RSU1: variants seen among roughly 807,000 people sequenced by gnomAD.
RSU1 encodes Ras suppressor protein 1.
In RSU1, 26 loss-of-function variants were observed where a neutral mutation model predicts 31.1. The ratio of observed to expected loss-of-function variants is 0.84; its 90% CI spans 0.61 to 1.16. The LOEUF (loss-of-function observed/expected upper bound fraction) is 1.16, where lower values mean the gene tolerates loss of function less well. Among genes scored for constraint, RSU1 ranks in the 50% most tolerant of loss-of-function variants. The pLI is 0.00. For missense variants in RSU1, 320 were observed against 339.1 expected (o/e 0.94, Z 0.44); for synonymous variants, 164 against 136.3 (o/e 1.20, Z -1.41).
intron 8 of RSU1, among the ~76,000 whole-genome samples, chr10:16,617,940 A>G (rs965104602): frequency 1.4e-4 from 22 of 152,242 alleles, no homozygotes; most frequent in Non-Finnish European, 4.4e-5. Context: ...CTTCATGACT[A>G]AAACACCAAA....
intron 8 of RSU1, among the ~76,000 whole-genome samples, chr10:16,675,554 C>G (rs894406432): frequency 6.6e-6 from 1 of 152,130 alleles, no homozygotes; most frequent in Non-Finnish European, 1.5e-5. Context: ...CACTAGAGAC[C>G]AGCGTCAGGA....
chr10:16,636,731 G>A (rs896027384), intron 8 of RSU1, among the ~76,000 whole-genome samples: 9 of 152,138 alleles, frequency 5.9e-5, no homozygotes, highest in African/African-American at 1.9e-4. Flanking sequence ...TCCCTGGGGG[G>A]CAGGGTGGGT....
At chr10:16,751,321 A>T (rs923027688) in intron 7 of RSU1, among the ~76,000 whole-genome samples, 5 of 152,214 alleles carry the variant, frequency 3.3e-5, no homozygotes, top group African/African-American at 1.2e-4. Context: ...AAAAATCATT[A>T]AATAATCCTC....
intron 8 of RSU1, among the ~76,000 whole-genome samples, chr10:16,656,258 G>T (rs1156886630): frequency 6.6e-6 from 1 of 151,964 alleles, no homozygotes; most frequent in African/African-American, 2.4e-5. Context: ...TTTGCCTTGG[G>T]ATATAGACTC....
At chr10:16,748,095 G>C (rs1836894867) in intron 7 of RSU1, 1 of 152,266 alleles carries the variant, frequency 6.6e-6, no homozygotes, top group African/African-American at 2.4e-5. Flanking sequence ...CTTCCCATTT[G>C]TATCAGTTTC....
chr10:16,597,021 CTG>C (rs1417087691), intron 8 of RSU1, among the ~76,000 whole-genome samples: 5 of 152,198 alleles, frequency 3.3e-5, no homozygotes, highest in African/African-American at 1.2e-4. Flanking sequence ...GGCCTCCAAA[CTG>C]TAAGGATTCT....
At chr10:16,681,530 A>G (rs1010029309) in intron 8 of RSU1, among the ~76,000 whole-genome samples, 1 of 152,220 alleles carries the variant, frequency 6.6e-6, no homozygotes, top group Non-Finnish European at 1.5e-5. Context: ...GCAAATCCAG[A>G]TGGGAGGCAA....
chr10:16,780,156 G>T (rs1472919180), intron 3 of RSU1, among the ~76,000 whole-genome samples: 2 of 152,200 alleles, frequency 1.3e-5, no homozygotes, highest in African/African-American at 4.8e-5. Context: ...ATTGACTCCT[G>T]AGATTTCTAT....
At chr10:16,795,850 C>A (rs1046028986) in intron 2 of RSU1, among the ~76,000 whole-genome samples, 1 of 152,136 alleles carries the variant, frequency 6.6e-6, no homozygotes, top group Non-Finnish European at 1.5e-5. Flanking sequence ...AACAAGCCGC[C>A]CAGGTGAGGC....
At chr10:16,695,589 A>G (rs1835658148) in intron 7 of RSU1, among the ~76,000 whole-genome samples, 1 of 152,162 alleles carries the variant, frequency 6.6e-6, no homozygotes, top group African/African-American at 2.4e-5. Context: ...ATGAATGGAG[A>G]AAGACAGGAA....
intron 8 of RSU1, among the ~76,000 whole-genome samples, chr10:16,640,631 C>A (rs1228389631): frequency 6.6e-6 from 1 of 152,240 alleles, no homozygotes; most frequent in African/African-American, 2.4e-5. Context: ...GGCCTTACCC[C>A]CTGCTGCCAC....
chr10:16,642,478 C>T (rs1834461686), intron 8 of RSU1, among the ~76,000 whole-genome samples: 1 of 152,136 alleles, frequency 6.6e-6, no homozygotes. Flanking sequence ...TTTTCATAGA[C>T]TGTCTGCTGC....
chr10:16,789,322 G>A (rs1837864498), intron 2 of RSU1, among the ~76,000 whole-genome samples: 1 of 152,120 alleles, frequency 6.6e-6, no homozygotes, highest in Non-Finnish European at 1.5e-5. Context: ...TGGTAAAGTA[G>A]GTAAGAGGAA....
intron 7 of RSU1, among the ~76,000 whole-genome samples, chr10:16,718,847 G>A (rs781429313): frequency 1.2e-4 from 18 of 152,018 alleles, no homozygotes; most frequent in Admixed American, 2.0e-4. Flanking sequence ...CGGGCATGGT[G>A]GCGGACACAT....
At chr10:16,692,002 C>T (rs746062851) in intron 8 of RSU1, among the ~76,000 whole-genome samples, 4 of 152,044 alleles carry the variant, frequency 2.6e-5, no homozygotes, top group Admixed American at 6.5e-5. Flanking sequence ...TGGTGAATCA[C>T]CCCACAATTC....
chr10:16,693,268 A>C (rs1349084838), intron 8 of RSU1, among the ~76,000 whole-genome samples: 1 of 152,106 alleles, frequency 6.6e-6, no homozygotes, highest in Non-Finnish European at 1.5e-5. Context: ...ATTATTCTTT[A>C]CAGCTTGTCT....
At chr10:16,755,886 A>G (rs1329230689) in intron 4 of RSU1, among the ~76,000 whole-genome samples, 1 of 152,216 alleles carries the variant, frequency 6.6e-6, no homozygotes, top group African/African-American at 2.4e-5. Flanking sequence ...GACAGCTTAC[A>G]TGATCTTGAA....
At chr10:16,800,427 C>A (rs946746704) in intron 2 of RSU1, among the ~76,000 whole-genome samples, 1 of 152,132 alleles carries the variant, frequency 6.6e-6, no homozygotes, top group African/African-American at 2.4e-5. Context: ...TTCACAAACA[C>A]TGTAACAAAA....
chr10:16,711,641 G>T (rs1010109586), intron 7 of RSU1, among the ~76,000 whole-genome samples: 1 of 152,062 alleles, frequency 6.6e-6, no homozygotes, highest in Non-Finnish European at 1.5e-5. Context: ...TAATTTAATT[G>T]ACCCACTGGT....
Sources: gnomAD v4.1 joint callset for allele counts (sites outside exome capture counted in the v4.1 genomes callset) on GRCh38, gnomAD v4.1.1 for gene constraint, MANE v1.5 for transcripts, NCBI Gene and HGNC (gene_info 2026-07-23, HGNC 2026-07-21) for gene names.